SHROOM2: variants seen among roughly 807,000 people sequenced by gnomAD.
SHROOM2 encodes shroom family member 2, also known as protein Shroom2.
A neutral mutation model predicts 75.9 loss-of-function variants in SHROOM2; 33 were observed. The ratio of observed to expected loss-of-function variants is 0.43; its 90% CI spans 0.33 to 0.58. The LOEUF is 0.58. Among genes scored for constraint, SHROOM2 ranks in the 20% least tolerant of loss-of-function variants. The pLI is 0.04. For synonymous variants in SHROOM2, 655 were observed against 663.6 expected (o/e 0.99, Z 0.20); for missense variants, 1,434 against 1,461.2 (o/e 0.98, Z 0.30).
intron 1 of SHROOM2, among the ~76,000 whole-genome samples, chrX:9,830,654 T>C (rs1316017592): frequency 1.1e-5 from 1 of 88,085 alleles, no homozygotes; most frequent in African/African-American, 4.5e-5. Context: ...CAGGCTGGAG[T>C]GCAATGGCGC....
intron 6 of SHROOM2, among the ~76,000 whole-genome samples, chrX:9,935,003 C>T (rs1369362575): frequency 9.0e-6 from 1 of 111,206 alleles, no homozygotes; most frequent in Admixed American, 9.6e-5. Context: ...AAACTCCTGA[C>T]CTCAGGTGAT....
At chrX:9,867,017 C>T (rs2084143323) in intron 1 of SHROOM2, among the ~76,000 whole-genome samples, 1 of 110,690 alleles carries the variant, frequency 9.0e-6, no homozygotes, top group Admixed American at 9.6e-5. Flanking sequence ...TGCAGGGACC[C>T]CATTCTTTTC....
At chrX:9,931,976 G>A (rs866784224) in intron 5 of SHROOM2, among the ~76,000 whole-genome samples, 199 bp from the exon 6 acceptor site, 2 of 110,242 alleles carry the variant, frequency 1.8e-5, no homozygotes, top group South Asian at 4.0e-4. Flanking sequence ...CATGCCAGTC[G>A]ACAGCCTCAT....
At chrX:9,866,972 C>T (rs1035506200) in intron 1 of SHROOM2, among the ~76,000 whole-genome samples, 4 of 110,173 alleles carry the variant, frequency 3.6e-5, no homozygotes, top group Admixed American at 9.7e-5. Flanking sequence ...TATCTCCACC[C>T]GAGACAGAGG....
intron 5 of SHROOM2, among the ~76,000 whole-genome samples, chrX:9,922,558 G>A (rs2084556180): frequency 9.1e-6 from 1 of 109,781 alleles, no homozygotes; most frequent in African/African-American, 3.3e-5. Context: ...TCAGGGTCGT[G>A]CCCCTGGGAC....
chrX:9,941,393 G>A (rs891444397), intron 8 of SHROOM2, among the ~76,000 whole-genome samples: 1 of 112,373 alleles, frequency 8.9e-6, no homozygotes, highest in Admixed American at 9.4e-5. Context: ...AGCACCCTGG[G>A]TGGTGTGGAC....
intron 5 of SHROOM2, among the ~76,000 whole-genome samples, chrX:9,918,384 G>A (rs987033814): frequency 2.7e-5 from 3 of 112,559 alleles, no homozygotes; most frequent in Admixed American, 9.4e-5. Context: ...GTAGTCCAAC[G>A]TCAAGGTGCT....
At position 9,792,217 on chromosome X, in the gene SHROOM2, T is replaced by G. The variant is rs144763163; in HGVS notation, c.165+5507T>G. ...TCTGGAGGAATTGTTGTCCTTTACC[T>G]TGTGTGATGCAGTATTTGGGCTGTC... On this transcript the variant is annotated intron_variant, in intron 1 of 9. Coordinates refer to ENST00000380913, the MANE Select transcript of SHROOM2 (RefSeq NM_001649.4). Among the ~76,000 whole-genome samples the G allele has an allele frequency of 2.0e-4, 22 of 110,763 alleles. No individual in the cohort carries two copies. In the East Asian group the frequency reaches 6.0e-3, roughly 30 times the overall value.
chrX:9,926,320 G>A (rs1201624412), intron 5 of SHROOM2, among the ~76,000 whole-genome samples: 1 of 111,772 alleles, frequency 8.9e-6, no homozygotes, highest in African/African-American at 3.3e-5. Context: ...CAGAAGGTCT[G>A]AAATCTTAAA....
At position 9,895,165 on chromosome X, in the gene SHROOM2, C is replaced by T. The variant is rs373737070; in HGVS notation, c.1257C>T (p.Phe419=). Residue 419 remains phenylalanine, a synonymous_variant, in exon 4 of 10, where the codon TTC becomes TTT. Coordinates refer to ENST00000380913, the MANE Select transcript of SHROOM2 (RefSeq NM_001649.4). ...QASLSSSDVR[F]PQSPHSGRHP... ...CTCTGTCCAGCTCAGATGTGCGCTT[C>T]CCTCAGTCTCCTCATAGCGGCCGAC... 57 of 1,210,667 alleles carry T rather than the reference C, an allele frequency of 4.7e-5. 1 individual carries two copies. The African/African-American group carries it at 5.2e-4, about 11-fold the overall frequency.
intron 1 of SHROOM2, among the ~76,000 whole-genome samples, chrX:9,794,257 A>C (rs929140567): frequency 3.6e-5 from 4 of 111,522 alleles, no homozygotes; most frequent in Non-Finnish European, 7.5e-5. Context: ...TGATCCTATA[A>C]AACTTCCCTC....
intron 1 of SHROOM2, among the ~76,000 whole-genome samples, chrX:9,862,633 G>T (rs1330007599): frequency 8.9e-6 from 1 of 111,972 alleles, no homozygotes; most frequent in East Asian, 2.8e-4. Context: ...GGTCCCACTG[G>T]AGCAGGCAGG....
At chrX:9,819,305 A>C in intron 1 of SHROOM2, 1 of 554,117 alleles carries the variant, frequency 1.8e-6, no homozygotes, top group Non-Finnish European at 3.0e-6. Context: ...TCCCACCAAA[A>C]TACTTGGTGG....
chrX:9,806,370 T>A (rs2083751924), intron 1 of SHROOM2, among the ~76,000 whole-genome samples: 1 of 109,685 alleles, frequency 9.1e-6, no homozygotes, highest in Non-Finnish European at 1.9e-5. Context: ...TTTCAATATT[T>A]AATGATTTAC....
At chrX:9,792,047 A>AGAATAGAAT (rs2083656852) in intron 1 of SHROOM2, among the ~76,000 whole-genome samples, 2 of 1,306 alleles carry the variant, frequency 1.5e-3, no homozygotes, top group Admixed American at 0.029. Context: ...AATAGAATAG[A>AGAATAGAAT]ATAGAATAGA....
intron 1 of SHROOM2, among the ~76,000 whole-genome samples, chrX:9,823,263 G>A (rs73472971): frequency 0.01 from 1,006 of 97,364 alleles, 20 homozygotes; most frequent in African/African-American, 0.037. Context: ...CATATTTTTA[G>A]AGACAGGGTC....
At chrX:9,830,310 T>C (rs2083908780) in intron 1 of SHROOM2, among the ~76,000 whole-genome samples, 1 of 111,655 alleles carries the variant, frequency 9.0e-6, no homozygotes, top group Non-Finnish European at 1.9e-5. Context: ...GTTTAACTGC[T>C]TGAATCTCTT....
chrX:9,884,961 G>A (rs1167017816), intron 2 of SHROOM2, among the ~76,000 whole-genome samples: 1 of 111,966 alleles, frequency 8.9e-6, no homozygotes, highest in Non-Finnish European at 1.9e-5. Flanking sequence ...TGTAATCCCA[G>A]CACTTTGGGA....
At chrX:9,923,319 TG>T (rs887814842) in intron 5 of SHROOM2, among the ~76,000 whole-genome samples, 5 of 108,000 alleles carry the variant, frequency 4.6e-5, no homozygotes, top group African/African-American at 1.7e-4. Flanking sequence ...AAGAGGGCAG[TG>T]GGGGGCGGGG....
Sources: allele counts gnomAD v4.1 joint callset (sites outside exome capture counted in the v4.1 genomes callset), GRCh38; gene constraint gnomAD v4.1.1; transcripts MANE v1.5; gene names NCBI Gene and HGNC (gene_info 2026-07-23, HGNC 2026-07-21).